The following CHLSN variants were observed in gnomAD, a reference collection of about 807,000 sequenced individuals.
CHLSN encodes cholesin, also known as protein cholesin.
chr7:1,023,103 G>C, the CHLSN span: 665 of 408,282 alleles, frequency 1.6e-3, 2 homozygotes, highest in Non-Finnish European at 2.5e-3. This position sits in a 1 kb window ranked among gnomAD's most constrained non-coding sequence, Gnocchi z 5.0. Context: ...CGTGGCAATG[G>C]GTGGCACCTG....
At chr7:1,042,409 C>T in the CHLSN span, among the ~76,000 whole-genome samples, 1 of 152,192 alleles carries the variant, frequency 6.6e-6, no homozygotes, top group Admixed American at 6.5e-5. Context: ...CCAATCTGTG[C>T]CCACCCTTCC....
chr7:986,843 A>AG, the CHLSN span: 1 of 1,469,306 alleles, frequency 6.8e-7, no homozygotes, highest in Non-Finnish European at 9.0e-7. Context: ...AGGGGTCCTG[A>AG]GGGACACCCC....
At chr7:1,004,514 C>A in the CHLSN span, among the ~76,000 whole-genome samples, 1 of 152,266 alleles carries the variant, frequency 6.6e-6, no homozygotes, top group Admixed American at 6.5e-5. Flanking sequence ...GAACCAAGGG[C>A]GCCTCTCTCT....
At chr7:1,028,289 G>A in the CHLSN span, 2 of 1,065,432 alleles carry the variant, frequency 1.9e-6, no homozygotes, top group South Asian at 2.4e-5. Context: ...CCGCGGGCAC[G>A]GACGGCGCCG....
chr7:998,466 T>TTC, the CHLSN span, among the ~76,000 whole-genome samples: 2 of 140,140 alleles, frequency 1.4e-5, no homozygotes, highest in African/African-American at 5.9e-5. Context: ...TCTTTTTTTT[T>TTC]TTTTTTTTTT....
the CHLSN span, chr7:1,109,221 C>A: frequency 6.6e-6 from 1 of 152,184 alleles, no homozygotes. Context: ...GCAGAAGGGA[C>A]GATTTCCCAT....
the CHLSN span, among the ~76,000 whole-genome samples, chr7:1,071,145 G>A: frequency 1.3e-5 from 2 of 152,368 alleles, no homozygotes; most frequent in African/African-American, 4.8e-5. Flanking sequence ...TAGAGGCCCC[G>A]CACGCGGCTG....
the CHLSN span, among the ~76,000 whole-genome samples, chr7:1,070,802 CAT>C: frequency 7.5e-6 from 1 of 133,074 alleles, no homozygotes; most frequent in Non-Finnish European, 1.6e-5. Context: ...CACGTGCACA[CAT>C]GCACACACAT....
the CHLSN span, among the ~76,000 whole-genome samples, chr7:1,011,787 T>G: frequency 2.0e-5 from 3 of 151,766 alleles, no homozygotes; most frequent in Admixed American, 2.0e-4. Context: ...CCCTAGAGCC[T>G]GCCAGGGGTC....
chr7:1,045,770 A>G, the CHLSN span: 1 of 152,276 alleles, frequency 6.6e-6, no homozygotes, highest in Non-Finnish European at 1.5e-5. Flanking sequence ...AAGTGACTTA[A>G]GAACATAGTT....
the CHLSN span, chr7:1,075,940 G>A: frequency 6.6e-6 from 1 of 151,836 alleles, no homozygotes; most frequent in Non-Finnish European, 1.5e-5. Flanking sequence ...CCTGACCTCA[G>A]GTAGGAACAG....
At chr7:1,064,754 C>A in the CHLSN span, among the ~76,000 whole-genome samples, 2 of 152,168 alleles carry the variant, frequency 1.3e-5, no homozygotes, top group African/African-American at 4.8e-5. Context: ...CTGGGGGACG[C>A]CCCATGGACA....
chr7:1,022,799 C>G, the CHLSN span: 6,173 of 285,480 alleles, frequency 0.022, 209 homozygotes, highest in African/African-American at 0.091. Context: ...ACCAGTGGAA[C>G]ATCCCATGCT....
the CHLSN span, among the ~76,000 whole-genome samples, chr7:1,024,031 G>A: frequency 5.9e-5 from 9 of 152,048 alleles, no homozygotes; most frequent in African/African-American, 2.2e-4. Flanking sequence ...TATAGAGATA[G>A]GACCAAGGCT....
chr7:1,089,228 G>A, the CHLSN span, among the ~76,000 whole-genome samples: 1 of 152,074 alleles, frequency 6.6e-6, no homozygotes, highest in African/African-American at 2.4e-5. Context: ...GCTGTTCAAT[G>A]GTATTATCTA....
the CHLSN span, among the ~76,000 whole-genome samples, chr7:1,104,508 T>C: frequency 5.3e-5 from 8 of 152,356 alleles, no homozygotes; most frequent in Non-Finnish European, 1.0e-4. Context: ...ATGTCAGTAC[T>C]GCAGCTCCGG....
At chr7:1,004,867 C>T in the CHLSN span, among the ~76,000 whole-genome samples, 10 of 152,166 alleles carry the variant, frequency 6.6e-5, no homozygotes, top group African/African-American at 2.4e-4. Context: ...CCCAGCATAG[C>T]GGGGGCCACG....
At chr7:1,041,614 C>T in the CHLSN span, among the ~76,000 whole-genome samples, 3 of 152,184 alleles carry the variant, frequency 2.0e-5, no homozygotes, top group Non-Finnish European at 2.9e-5. Context: ...CGTCAGGGTG[C>T]GCCTTATAAT....
chr7:1,013,188 G>A, the CHLSN span, among the ~76,000 whole-genome samples: 4 of 152,334 alleles, frequency 2.6e-5, no homozygotes, highest in South Asian at 2.1e-4. Flanking sequence ...ACCCACAGAC[G>A]AGCAGCGGAG....
Sources: allele counts gnomAD v4.1 joint callset (sites outside exome capture counted in the v4.1 genomes callset), GRCh38; gene constraint gnomAD v4.1.1; non-coding constraint Gnocchi (gnomAD v3.1); transcripts MANE v1.5; gene names NCBI Gene and HGNC (gene_info 2026-07-23, HGNC 2026-07-21).